The following NRXN1 variants were observed in gnomAD, a reference collection of about 807,000 sequenced individuals.
NRXN1 encodes the protein neurexin-1.
In NRXN1, 39 loss-of-function variants were observed where a neutral mutation model predicts 150.9. The ratio of observed to expected loss-of-function variants is 0.26; its 90% CI spans 0.20 to 0.34. The LOEUF is 0.34. NRXN1 is among the 10% of genes least tolerant of loss of function. The probability of loss-of-function intolerance (pLI) is 1.00; values close to 1 mark genes in which losing one functional copy is unlikely to be tolerated. For synonymous variants in NRXN1, 924 were observed against 757.0 expected, an observed-to-expected ratio of 1.22 and a Z score of -3.62; for missense variants, 1,815 against 1,949.9, an observed-to-expected ratio of 0.93 and a Z score of 1.30.
At chr2:50,739,820 T>C (rs1016183809) in intron 5 of NRXN1, among the ~76,000 whole-genome samples, 1 of 152,180 alleles carries the variant, frequency 6.6e-6, no homozygotes, top group South Asian at 2.1e-4. Flanking sequence ...AAAAACTTAG[T>C]ACATCAAAAG....
In NRXN1 at chr2:50,263,787, C is replaced by T. The variant is rs75256774; in HGVS notation, c.3365-26817G>A. Among the ~76,000 whole-genome samples, 7 of 152,230 alleles carry T rather than the reference C, an allele frequency of 4.6e-5. No homozygotes were observed. In the East Asian group the frequency reaches 1.3e-3, roughly 29 times the overall value. On this transcript the variant is annotated intron_variant, in intron 17 of 22. Coordinates refer to ENST00000401669, the MANE Select transcript of NRXN1 (RefSeq NM_001330078.2). ...CATCTTAACACCTAGTTCAATAACA[C>T]GCCTGTTTAGAGGGTGGCAGCTACA...
intron 21 of NRXN1, among the ~76,000 whole-genome samples, chr2:49,945,987 A>G (rs1672825410): frequency 6.6e-6 from 1 of 152,162 alleles, no homozygotes; most frequent in Admixed American, 6.5e-5. Context: ...TGGTTGAACT[A>G]ATTTACACTC....
At chr2:50,029,429 T>C (rs1688860339) in intron 21 of NRXN1, among the ~76,000 whole-genome samples, 1 of 152,186 alleles carries the variant, frequency 6.6e-6, no homozygotes, top group African/African-American at 2.4e-5. Context: ...AGTTTGTATT[T>C]GAAGATAGCA....
intron 5 of NRXN1, among the ~76,000 whole-genome samples, chr2:50,658,381 T>C (rs1686798734): frequency 6.9e-6 from 1 of 145,438 alleles, no homozygotes; most frequent in Non-Finnish European, 1.5e-5. Flanking sequence ...GTAAACTCAA[T>C]GTTTTTAATT....
At chr2:50,117,074 G>A (rs79647509) in intron 18 of NRXN1, among the ~76,000 whole-genome samples, 1 of 152,096 alleles carries the variant, frequency 6.6e-6, no homozygotes, top group Non-Finnish European at 1.5e-5. Flanking sequence ...AAGCCTTGGG[G>A]ATAAAGGGAG....
At chr2:49,940,230 A>G (rs768858477) in intron 22 of NRXN1, among the ~76,000 whole-genome samples, 1 of 152,214 alleles carries the variant, frequency 6.6e-6, no homozygotes, top group Non-Finnish European at 1.5e-5. Flanking sequence ...ATTTGCTCTC[A>G]CTTGCCCAAG....
chr2:50,416,089 C>G (rs1174596414), intron 17 of NRXN1, among the ~76,000 whole-genome samples: 2 of 151,964 alleles, frequency 1.3e-5, no homozygotes, highest in African/African-American at 4.8e-5. Context: ...GTCAACAGTT[C>G]CTTCCCTCAA....
rs200930363 is a variant in NRXN1, at chr2:51,027,584, G to A, written c.690C>T (p.Asn230=). ...GEEGEGGVCL[N]GGVCSVVDDQ... ...CGTCCACCACGGAGCACACACCTCC[G>A]TTGAGGCACACCCCGCCCTCGCCCT... Residue 230 remains asparagine (N), a synonymous_variant, in exon 2 of 23, where the codon AAC becomes AAT. Transcript: ENST00000401669. 9 of 1,607,700 alleles carry A rather than the reference G, an allele frequency of 5.6e-6. No individual in the cohort carries two copies. The African/African-American group carries it at 8.0e-5, about 14-fold the overall frequency.
intron 17 of NRXN1, among the ~76,000 whole-genome samples, chr2:50,323,989 T>A (rs1443310848): frequency 1.3e-5 from 2 of 152,162 alleles, no homozygotes; most frequent in East Asian, 3.9e-4. Context: ...AGATAGGGAA[T>A]CACAGAAAGA....
intron 21 of NRXN1, among the ~76,000 whole-genome samples, chr2:50,007,957 A>T (rs1685044712): frequency 1.3e-5 from 2 of 152,158 alleles, no homozygotes; most frequent in Non-Finnish European, 2.9e-5. Context: ...ACCTAATGTG[A>T]AAGTTCACCA....
chr2:50,666,243 C>T (rs951469615), intron 5 of NRXN1, among the ~76,000 whole-genome samples: 1 of 151,968 alleles, frequency 6.6e-6, no homozygotes, highest in Non-Finnish European at 1.5e-5. Flanking sequence ...CATTCGCTCT[C>T]ATTGCTCAGT....
intron 5 of NRXN1, among the ~76,000 whole-genome samples, chr2:50,682,346 T>C (rs1257989962): frequency 2.0e-5 from 3 of 152,182 alleles, no homozygotes; most frequent in East Asian, 1.9e-4. Context: ...CATCTCTCAA[T>C]TGGTCTTGTT....
At chr2:50,353,631 TTA>T (rs2078581228) in intron 17 of NRXN1, among the ~76,000 whole-genome samples, 1 of 152,134 alleles carries the variant, frequency 6.6e-6, no homozygotes, top group African/African-American at 2.4e-5. Context: ...AAATATGTTA[TTA>T]TTCTTTATTC....
At chr2:50,292,836 G>C (rs1415183070) in intron 17 of NRXN1, among the ~76,000 whole-genome samples, 1 of 151,992 alleles carries the variant, frequency 6.6e-6, no homozygotes, top group Admixed American at 6.6e-5. Flanking sequence ...GCCAAATCTT[G>C]ATTCATTATA....
At chr2:50,776,995 T>A (rs1703728344) in intron 5 of NRXN1, among the ~76,000 whole-genome samples, 1 of 152,164 alleles carries the variant, frequency 6.6e-6, no homozygotes. Flanking sequence ...TTTTGTCTTG[T>A]ATCTGCCTGA....
At chr2:50,066,683 A>G (rs1439079769) in intron 19 of NRXN1, among the ~76,000 whole-genome samples, 1 of 152,188 alleles carries the variant, frequency 6.6e-6, no homozygotes, top group Non-Finnish European at 1.5e-5. Flanking sequence ...ATGGTTAAAT[A>G]TTCATGTCAC....
At chr2:50,192,771 T>C (rs1384272638) in intron 18 of NRXN1, among the ~76,000 whole-genome samples, 1 of 152,122 alleles carries the variant, frequency 6.6e-6, no homozygotes, top group African/African-American at 2.4e-5. Context: ...CACTCCCGGC[T>C]AATTTTTTTG....
intron 14 of NRXN1, among the ~76,000 whole-genome samples, chr2:50,496,525 G>A (rs2091632531): frequency 6.6e-6 from 1 of 152,128 alleles, no homozygotes; most frequent in South Asian, 2.1e-4. Context: ...ATCCAGGTCA[G>A]ATAGCCACTC....
At chr2:50,875,959 G>C (rs1264395839) in intron 5 of NRXN1, among the ~76,000 whole-genome samples, 1 of 151,826 alleles carries the variant, frequency 6.6e-6, no homozygotes, top group Non-Finnish European at 1.5e-5. Context: ...AGACAGCTTT[G>C]AAAGTGGAAG....
Sources: gnomAD v4.1 joint callset for allele counts (sites outside exome capture counted in the v4.1 genomes callset) on GRCh38, gnomAD v4.1.1 for gene constraint, MANE v1.5 for transcripts, NCBI Gene and HGNC (gene_info 2026-07-23, HGNC 2026-07-21) for gene names.